TBC1D4: variants seen among roughly 807,000 people sequenced by gnomAD.
TBC1D4 encodes the protein TBC1 domain family member 4.
In TBC1D4, 121 loss-of-function variants were observed where a neutral mutation model predicts 142.5. The observed-to-expected ratio is 0.85, with a 90% CI of 0.73 to 0.99. TBC1D4 has a LOEUF of 0.99. Ranked by LOEUF, TBC1D4 falls within the 50% of genes least tolerant of loss-of-function variation. TBC1D4 has a pLI of 0.00. For synonymous variants in TBC1D4, 630 were observed against 628.2 expected (o/e 1.00, Z -0.04); for missense variants, 1,475 against 1,606.6 (o/e 0.92, Z 1.40).
Position 75,349,211 on chromosome 13 carries a change from C to CA in TBC1D4, c.1366dup (p.Cys456LeufsTer8), listed in dbSNP as rs1165130714. 20 of 1,613,918 alleles carry CA rather than the reference C, an allele frequency of 1.2e-5. No homozygotes were observed. The Admixed American group carries it at 3.3e-4, about 27-fold the overall frequency. On this transcript the variant is annotated frameshift_variant, in exon 5 of 21. Coordinates refer to ENST00000377636, the MANE Select transcript of TBC1D4 (RefSeq NM_014832.5). LOFTEE classifies it high-confidence loss of function. ...GAGCTTATGCAAAGAGTGCATCGGG[C>CA]AGGCCTCACACAGTTTAATCTGCGT...
At chr13:75,444,931 T>G (rs1022584249) in intron 1 of TBC1D4, among the ~76,000 whole-genome samples, 21 of 152,256 alleles carry the variant, frequency 1.4e-4, no homozygotes, top group African/African-American at 4.8e-4. Context: ...GCCAGTTTTC[T>G]AGGCATTTTA....
At chr13:75,425,513 A>G (rs1886341558) in intron 1 of TBC1D4, among the ~76,000 whole-genome samples, 1 of 152,228 alleles carries the variant, frequency 6.6e-6, no homozygotes, top group Admixed American at 6.5e-5. Context: ...AGGTATCTAT[A>G]CTATCATGTC....
At chr13:75,448,673 G>A (rs1436938304) in intron 1 of TBC1D4, among the ~76,000 whole-genome samples, 1 of 151,862 alleles carries the variant, frequency 6.6e-6, no homozygotes, top group Non-Finnish European at 1.5e-5. Flanking sequence ...TTTATACGGT[G>A]TTTTTAACCA....
chr13:75,294,540 CA>C (rs2137849761), intron 18 of TBC1D4, among the ~76,000 whole-genome samples: 1 of 152,312 alleles, frequency 6.6e-6, no homozygotes, highest in East Asian at 1.9e-4. Context: ...AAATTATACA[CA>C]GTCTGTCCCT....
At chr13:75,306,093 C>A (rs1031862636) in intron 15 of TBC1D4, among the ~76,000 whole-genome samples, 1 of 152,130 alleles carries the variant, frequency 6.6e-6, no homozygotes, top group African/African-American at 2.4e-5. Flanking sequence ...GCACTTCTTC[C>A]TTGGTAAACA....
chr13:75,360,683 A>T (rs1224802335), intron 2 of TBC1D4, among the ~76,000 whole-genome samples: 1 of 152,168 alleles, frequency 6.6e-6, no homozygotes, highest in Non-Finnish European at 1.5e-5. Context: ...ATGGAGCCAC[A>T]TTTGTGTTCT....
intron 1 of TBC1D4, among the ~76,000 whole-genome samples, chr13:75,410,915 G>C (rs377440871): frequency 1.6e-5 from 2 of 126,624 alleles, no homozygotes; most frequent in South Asian, 5.3e-4. Flanking sequence ...CAGCCTGGGC[G>C]ACAGAGCGAG....
chr13:75,391,696 C>CT (rs1292844072), intron 1 of TBC1D4, among the ~76,000 whole-genome samples: 2 of 152,180 alleles, frequency 1.3e-5, no homozygotes, highest in Non-Finnish European at 2.9e-5. Context: ...TTTACACTTG[C>CT]TCCACTTAGT....
chr13:75,462,168 T>C (rs930002787), intron 1 of TBC1D4, among the ~76,000 whole-genome samples: 1 of 152,094 alleles, frequency 6.6e-6, no homozygotes, highest in Admixed American at 6.6e-5. Flanking sequence ...TCACCATTAT[T>C]ATATTATTAT....
intron 18 of TBC1D4, among the ~76,000 whole-genome samples, chr13:75,294,035 C>T (rs959979784): frequency 2.0e-5 from 3 of 152,136 alleles, no homozygotes; most frequent in Non-Finnish European, 4.4e-5. Context: ...ATTAAGGGAG[C>T]CCTTTCTAAG....
chr13:75,335,649 G>A (rs932795485), intron 8 of TBC1D4, among the ~76,000 whole-genome samples: 6 of 152,032 alleles, frequency 3.9e-5, no homozygotes, highest in African/African-American at 1.4e-4. Flanking sequence ...CTGTTCTCAT[G>A]ATACTGAGTT....
intron 5 of TBC1D4, among the ~76,000 whole-genome samples, chr13:75,347,265 A>G (rs1420169111): frequency 6.6e-6 from 1 of 152,228 alleles, no homozygotes; most frequent in East Asian, 1.9e-4. Flanking sequence ...GCATCCTTAC[A>G]TTTCCATTCT....
chr13:75,341,100 G>C, intron 7 of TBC1D4, 25 bp downstream of exon 7: 1 of 1,572,354 alleles, frequency 6.4e-7, no homozygotes. Context: ...AACAAAAGTA[G>C]GTGAAGTAGG....
Position 75,359,750 on chromosome 13 carries a change from G to A in TBC1D4, c.1170+19C>T. 2 of 1,559,272 alleles carry A rather than the reference G, an allele frequency of 1.3e-6. No homozygotes were observed. The highest frequency in any genetic ancestry group is 1.8e-6 in the Non-Finnish European group (2 of 1,130,260). On this transcript the variant is annotated intron_variant, in intron 3 of 20. Coordinates refer to ENST00000377636, the MANE Select transcript of TBC1D4 (RefSeq NM_014832.5). ...CAAGATTGGTCTCTTCACATACTAT[G>A]ATATACTTTGATACATACCTGAGAA...
At chr13:75,403,781 C>G (rs981391160) in intron 1 of TBC1D4, among the ~76,000 whole-genome samples, 21 of 152,128 alleles carry the variant, frequency 1.4e-4, no homozygotes, top group Non-Finnish European at 1.5e-5. Flanking sequence ...ACTATTTAAA[C>G]AGCTCAAGAA....
intron 4 of TBC1D4, among the ~76,000 whole-genome samples, chr13:75,353,567 G>A (rs1005244244): frequency 1.3e-5 from 2 of 152,026 alleles, no homozygotes; most frequent in Non-Finnish European, 2.9e-5. Context: ...TGAGACCTAG[G>A]AATAAAGTAT....
chr13:75,340,503 A>G (rs1566398937), intron 7 of TBC1D4, among the ~76,000 whole-genome samples: 2 of 152,276 alleles, frequency 1.3e-5, no homozygotes, highest in Non-Finnish European at 2.9e-5. Context: ...TGGAAATAAA[A>G]TAATAGATTA....
chr13:75,325,572 T>C (rs1851336590), intron 10 of TBC1D4, among the ~76,000 whole-genome samples: 1 of 152,226 alleles, frequency 6.6e-6, no homozygotes, highest in African/African-American at 2.4e-5. Flanking sequence ...CTTTACTGTT[T>C]CTCACCAAAT....
intron 4 of TBC1D4, among the ~76,000 whole-genome samples, chr13:75,350,451 C>A (rs904932167): frequency 1.3e-5 from 2 of 152,026 alleles, no homozygotes; most frequent in East Asian, 1.9e-4. Context: ...ATATCAGCAA[C>A]CTTAAGGCTT....
Sources: gnomAD v4.1 joint callset for allele counts (sites outside exome capture counted in the v4.1 genomes callset) on GRCh38, gnomAD v4.1.1 for gene constraint, MANE v1.5 for transcripts, NCBI Gene and HGNC (gene_info 2026-07-23, HGNC 2026-07-21) for gene names.